Variants in SMG5 observed in about 807,000 individuals in gnomAD.
SMG5 encodes nonsense-mediated mRNA decay factor SMG5.
In SMG5, 53 loss-of-function variants were observed where a neutral mutation model predicts 122.9. The ratio of observed to expected loss-of-function variants is 0.43; its 90% CI spans 0.35 to 0.54. The LOEUF is 0.54. SMG5 is among the 20% of genes least tolerant of loss of function. The pLI is 0.01. For synonymous variants in SMG5, 477 were observed against 490.2 expected, an observed-to-expected ratio of 0.97 and a Z score of 0.35; for missense variants, 1,153 against 1,285.6, an observed-to-expected ratio of 0.90 and a Z score of 1.58.
At chr1:156,291,412 G>T in the SMG5 span, 1 of 1,613,958 alleles carries the variant, frequency 6.2e-7, no homozygotes, top group Non-Finnish European at 8.5e-7. Context: ...CCTTTGCCGT[G>T]GGCCGCTCCT....
intron 16 of SMG5, among the ~76,000 whole-genome samples, chr1:156,258,633 T>C (rs962132925): frequency 6.6e-6 from 1 of 151,996 alleles, no homozygotes; most frequent in Non-Finnish European, 1.5e-5. Context: ...CTGTCTCTAC[T>C]AAAAATACAA....
At chr1:156,262,998 C>T (rs2842881) in intron 13 of SMG5, among the ~76,000 whole-genome samples, 14 of 152,312 alleles carry the variant, frequency 9.2e-5, no homozygotes, top group African/African-American at 3.4e-4. Flanking sequence ...CCTAGTACAT[C>T]TTCACAACTC....
Position 156,266,614 on chromosome 1 carries a change from A to G in SMG5, c.1182T>C (p.His394=), listed in dbSNP as rs765096981. ...TLALFSHLVN[H]VNIRLQAELE... Reference sequence around the variant, plus strand: ...GCTCAGCCTGCAGCCGTATGTTGACATGATTGACGAGGTGGGAAAAGAGGG... The same window carrying G: ...GCTCAGCCTGCAGCCGTATGTTGACGTGATTGACGAGGTGGGAAAAGAGGG... The change falls in exon 11 of 22, where the codon CAT becomes CAC. Residue 394 remains histidine, a synonymous_variant. Transcript: ENST00000361813. 6 of 1,613,972 alleles carry G rather than the reference A, an allele frequency of 3.7e-6. No homozygotes were observed. The highest frequency in any genetic ancestry group is 1.7e-5 in the Admixed American group (1 of 59,980).
intron 5 of SMG5, among the ~76,000 whole-genome samples, chr1:156,274,078 C>G (rs1019009638): frequency 6.6e-6 from 1 of 152,126 alleles, no homozygotes; most frequent in Non-Finnish European, 1.5e-5. Context: ...ATAGTAGACC[C>G]AGGTCAGTAA....
At chr1:156,277,861 C>T in intron 3 of SMG5, 64 bp downstream of exon 3, 1 of 1,601,336 alleles carries the variant, frequency 6.2e-7, no homozygotes, top group South Asian at 1.1e-5. Flanking sequence ...ATGTTCTGCG[C>T]CCACTTTCCT....
upstream of SMG5, among the ~76,000 whole-genome samples, chr1:156,287,723 T>C (rs1274781059): frequency 6.6e-6 from 1 of 151,120 alleles, no homozygotes; most frequent in Admixed American, 6.6e-5. Context: ...TTCAAGCGAT[T>C]CTCCTGCCTC....
chr1:156,263,370 G>A, intron 13 of SMG5, 25 bp downstream of exon 13: 2 of 1,592,088 alleles, frequency 1.3e-6, no homozygotes, highest in South Asian at 1.1e-5. Context: ...GGACCTGACA[G>A]GGGCAATGGA....
intron 1 of SMG5, 98 bp downstream of exon 1, chr1:156,282,509 T>A: frequency 7.4e-7 from 1 of 1,352,712 alleles, no homozygotes; most frequent in Non-Finnish European, 1.0e-6. Context: ...CACCCGCACC[T>A]CACCCCGACA....
In SMG5 at chr1:156,268,418, G is replaced by GT; in HGVS notation, c.714-4dup. The GT allele has an allele frequency of 6.2e-7, 1 of 1,613,638 alleles. No homozygotes were observed. The highest frequency in any genetic ancestry group is 8.5e-7 in the Non-Finnish European group (1 of 1,179,990). ...CAAAGGACACTTCTGACTGGATGCT[G>GT]TAAGAGATAGAGGTGAGCTACTGAG... On this transcript the variant is annotated splice_region_variant and splice_polypyrimidine_tract_variant and intron_variant, in intron 7 of 21. Coordinates refer to ENST00000361813, the MANE Select transcript of SMG5 (RefSeq NM_015327.3).
At chr1:156,284,314 G>C (rs1663083829), upstream of SMG5, 1 of 152,326 alleles carries the variant, frequency 6.6e-6, no homozygotes, top group Admixed American at 6.5e-5. Flanking sequence ...GGGAGACAGA[G>C]AGAAATACTT....
At chr1:156,283,750 C>T (rs1419561649), upstream of SMG5, among the ~76,000 whole-genome samples, 1 of 152,214 alleles carries the variant, frequency 6.6e-6, no homozygotes, top group Admixed American at 6.5e-5. Context: ...CAGCCTAAGT[C>T]TTTCCCATCC....
At chr1:156,260,714 G>T in intron 14 of SMG5, 88 bp from the exon 15 acceptor site, 1 of 1,245,036 alleles carries the variant, frequency 8.0e-7, no homozygotes, top group Non-Finnish European at 1.1e-6. Flanking sequence ...GAATTATCAG[G>T]CTGATGAGAT....
At chr1:156,271,630 G>C (rs972123836) in intron 7 of SMG5, among the ~76,000 whole-genome samples, 3 of 134,988 alleles carry the variant, frequency 2.2e-5, no homozygotes, top group Non-Finnish European at 3.1e-5. Flanking sequence ...CTGGAGTGCA[G>C]TGGCATGATC....
At chr1:156,274,795 G>A in intron 4 of SMG5, 109 bp from the exon 5 acceptor site, 1 of 843,376 alleles carries the variant, frequency 1.2e-6, no homozygotes. Flanking sequence ...GCCAGTCTTG[G>A]AACATTGTCT....
At chr1:156,265,117 G>A (rs1295634970) in intron 12 of SMG5, among the ~76,000 whole-genome samples, 1 of 150,576 alleles carries the variant, frequency 6.6e-6, no homozygotes, top group African/African-American at 2.5e-5. Flanking sequence ...CAGCTACTCA[G>A]AAGGCTGAGG....
At chr1:156,266,888 G>A (rs1179024877) in intron 10 of SMG5, among the ~76,000 whole-genome samples, 3 of 150,844 alleles carry the variant, frequency 2.0e-5, no homozygotes, top group South Asian at 2.1e-4. Context: ...CAATCTGCCC[G>A]CCTCGGCCTC....
chr1:156,265,896 G>A lies in SMG5; in HGVS notation c.1740C>T (p.Cys580=), dbSNP rs1368472818. Residue 580 remains cysteine (C), a synonymous_variant, in exon 12 of 22, where the codon TGC becomes TGT. Coordinates refer to ENST00000361813, the MANE Select transcript of SMG5 (RefSeq NM_015327.3). ...MSTQMFQTKR[C]FRLAPTFSNL... is the part of the protein sequence containing the mutation. ...TGCTAAAGGTGGGGGCCAGTCGGAA[G>A]CAGCGCTTAGTCTGGAACATCTGGG... 4 of 1,614,094 alleles carry A rather than the reference G, an allele frequency of 2.5e-6. No homozygotes were observed. The highest frequency in any genetic ancestry group is 3.4e-6 in the Non-Finnish European group (4 of 1,180,046).
rs1360194456 is a variant in SMG5, at chr1:156,266,674, G to A, written c.1122C>T (p.Ser374=). ...MCVHSLERAG[S]KQYSAAIAFT... ...AGGCAATGGCTGCACTGTACTGCTT[G>A]GATCCTGAAGTCAGGAAAGCCAGGC... Residue 374 remains serine, a synonymous_variant, in exon 11 of 22, where the codon TCC becomes TCT. Coordinates refer to ENST00000361813, the MANE Select transcript of SMG5 (RefSeq NM_015327.3). 4 of 1,613,986 alleles carry A rather than the reference G, an allele frequency of 2.5e-6. No homozygotes were observed. Among genetic ancestry groups the A allele is most frequent in the Non-Finnish European group, 3.4e-6 (4 of 1,179,900 alleles).
At position 156,278,992 on chromosome 1, in the gene SMG5, G is replaced by C. The variant is rs1662811241; in HGVS notation, c.117C>G (p.Cys39Trp). 1 of 1,614,040 alleles carries C rather than the reference G, an allele frequency of 6.2e-7. No individual in the cohort carries two copies. Among genetic ancestry groups the C allele is most frequent in the Admixed American group, 1.7e-5 (1 of 59,996 alleles). Residue 39 changes from cysteine to tryptophan, a missense_variant, in exon 2 of 22, where the codon TGC (cysteine) becomes TGG (tryptophan). Transcript: ENST00000361813. ...EAVHRLDLIL[C>W]NKTAYQEVFK... is the part of the protein sequence containing the mutation. ...ATACTTCTTGATAAGCAGTTTTGTT[G>C]CAAAGGATGAGGTCAAGTCGATGCA...
Sources: allele counts gnomAD v4.1 joint callset (sites outside exome capture counted in the v4.1 genomes callset), GRCh38; gene constraint gnomAD v4.1.1; transcripts MANE v1.5; gene names NCBI Gene and HGNC (gene_info 2026-07-23, HGNC 2026-07-21).